PIN1: variants seen among roughly 807,000 people sequenced by gnomAD.
The protein encoded by PIN1 is peptidylprolyl cis/trans isomerase, NIMA-interacting 1, also known as peptidyl-prolyl cis-trans isomerase NIMA-interacting 1.
A neutral mutation model predicts 19.9 loss-of-function variants in PIN1; 8 were observed. The ratio of observed to expected loss-of-function variants is 0.40; its 90% CI spans 0.24 to 0.72. PIN1 has a LOEUF of 0.72. PIN1 is among the 30% of genes least tolerant of loss of function. The probability of loss-of-function intolerance (pLI) is 0.37; values close to 1 mark genes in which losing one functional copy is unlikely to be tolerated. For missense variants in PIN1, 185 were observed against 226.5 expected (o/e 0.82, Z 1.18); for synonymous variants, 86 against 90.8 (o/e 0.95, Z 0.30).
chr19:9,846,304 G>C lies in PIN1; in HGVS notation c.272-1726G>C, dbSNP rs1457994369. ...GGCCAAGGATAGGGAGAGCAGAGCA[G>C]TAGAGGCTGCGTCATCCCTGGGATG... is the stretch of plus-strand genomic sequence containing the variant. On this transcript the variant is annotated intron_variant, in intron 2 of 3. Transcript: ENST00000247970. This position sits in a 1 kb window ranked among gnomAD's most constrained non-coding sequence, Gnocchi z 5.9. 6.6e-6 allele frequency among the ~76,000 whole-genome samples: 1 copy of C among 152,242 alleles called. No homozygotes were observed. The highest frequency in any genetic ancestry group is 1.5e-5 in the Non-Finnish European group (1 of 68,036).
intron 1 of PIN1, 39 bp downstream of exon 1, chr19:9,835,441 C>G (rs1252540026): frequency 1.4e-6 from 2 of 1,384,152 alleles, no homozygotes; most frequent in African/African-American, 3.0e-5. Context: ...ACTGCGCGGG[C>G]CCGCGTAAGC....
intron 1 of PIN1, chr19:9,837,327 T>A (rs2046118423): frequency 6.2e-6 from 1 of 162,564 alleles, no homozygotes; most frequent in Non-Finnish European, 1.3e-5. Flanking sequence ...CTAATTTTTG[T>A]ATTTTTAGTA....
intron 2 of PIN1, among the ~76,000 whole-genome samples, chr19:9,839,415 C>CAA (rs549874572): frequency 5.9e-5 from 5 of 84,304 alleles, no homozygotes; most frequent in Non-Finnish European, 4.9e-5. Context: ...GGCACCATCT[C>CAA]AAAAAAAAAA....
chr19:9,835,325 G>T lies in PIN1; in HGVS notation c.-20G>T. On this transcript the variant is annotated 5_prime_UTR_variant, in exon 1 of 4. Transcript: ENST00000247970. ...AGGCGGCGCAGCTGAGGCGGAGCAGGCGCTGCGGCAGGAGGGAAGATGGCG... is the reference window on the plus strand; with the variant it reads ...AGGCGGCGCAGCTGAGGCGGAGCAGTCGCTGCGGCAGGAGGGAAGATGGCG... The T allele has an allele frequency of 6.6e-7, 1 of 1,523,898 alleles. No individual in the cohort carries two copies. The highest frequency in any genetic ancestry group is 8.8e-7 in the Non-Finnish European group (1 of 1,141,442). The allele number at this position is 1,523,898 out of a possible 1,614,324, so 94.4% of individuals were successfully genotyped here.
chr19:9,838,712 C>A lies in PIN1; in HGVS notation c.271+64C>A. 7.6e-7 allele frequency: 1 copy of A among 1,319,078 alleles called. No individual in the cohort carries two copies. The highest frequency in any genetic ancestry group is 1.3e-5 in the South Asian group (1 of 76,958). The allele number at this position is 1,319,078 out of a possible 1,614,324, so 81.7% of individuals were successfully genotyped here. On this transcript the variant is annotated intron_variant, in intron 2 of 3. Coordinates refer to ENST00000247970, the MANE Select transcript of PIN1 (RefSeq NM_006221.4). The surrounding 1 kb of genome is among the most constrained non-coding windows in gnomAD (Gnocchi z 5.8). Reference sequence around the variant, plus strand: ...CTCCCAGGTGAGCCTTTGTAGAAGTCACATCAGACCCTTCACCCCAGCTTG... The same window carrying A: ...CTCCCAGGTGAGCCTTTGTAGAAGTAACATCAGACCCTTCACCCCAGCTTG...
chr19:9,848,178 T>TTA (rs1438864127), intron 3 of PIN1, 38 bp downstream of exon 3: 1 of 1,265,462 alleles, frequency 7.9e-7, no homozygotes, highest in African/African-American at 1.5e-5. Context: ...TGGGGGACCC[T>TTA]TACCACCCTG....
intron 2 of PIN1, among the ~76,000 whole-genome samples, chr19:9,839,802 A>T (rs2046146340): frequency 6.6e-6 from 1 of 152,088 alleles, no homozygotes; most frequent in Non-Finnish European, 1.5e-5. Flanking sequence ...GGAGTTTGAG[A>T]CCAGCTTGGG....
intron 2 of PIN1, among the ~76,000 whole-genome samples, chr19:9,840,405 A>G (rs1182026401): frequency 6.6e-6 from 1 of 151,892 alleles, no homozygotes; most frequent in Non-Finnish European, 1.5e-5. Context: ...AAAAACAAAA[A>G]CAAAAAAAAA....
intron 3 of PIN1, 114 bp from the exon 4 acceptor site, chr19:9,848,976 T>C (rs1337076254): frequency 8.7e-6 from 6 of 692,388 alleles, no homozygotes; most frequent in Admixed American, 2.2e-5. Context: ...TGTGGACGAG[T>C]GTGAGGCTCA....
In PIN1 at chr19:9,838,794, C is replaced by T; in HGVS notation, c.271+146C>T. The T allele has an allele frequency of 1.6e-6, 1 of 636,780 alleles. No homozygotes were observed. The highest frequency in any genetic ancestry group is 2.7e-6 in the Non-Finnish European group (1 of 366,834). 39.4% of individuals were successfully genotyped at this position (636,780 alleles called of 1,614,324 possible). ...AAAAACGCCAGTGCATGACCTGACCCTGACCTTCACAGCAGCCATTCTCTT... is the reference window on the plus strand; with the variant it reads ...AAAAACGCCAGTGCATGACCTGACCTTGACCTTCACAGCAGCCATTCTCTT... On this transcript the variant is annotated intron_variant, in intron 2 of 3. Transcript: ENST00000247970. This position sits in a 1 kb window ranked among gnomAD's most constrained non-coding sequence, Gnocchi z 5.8.
chr19:9,836,398 G>A (rs1398151297), intron 1 of PIN1: 4 of 173,632 alleles, frequency 2.3e-5, no homozygotes, highest in African/African-American at 7.1e-5. Context: ...CATTGCCAAG[G>A]TTTTAGAGTG....
At position 9,846,519 on chromosome 19, in the gene PIN1, G is replaced by A. The variant is rs1208929494; in HGVS notation, c.272-1511G>A. ...CCAGGACACTGGTGGCTGCCATGAC[G>A]TGCAGCCAAACAGGGAGCTATGGCT... On this transcript the variant is annotated intron_variant, in intron 2 of 3. Transcript: ENST00000247970. This position sits in a 1 kb window ranked among gnomAD's most constrained non-coding sequence, Gnocchi z 5.9. Among the ~76,000 whole-genome samples the A allele has an allele frequency of 2.0e-5, 3 of 152,132 alleles. No homozygotes were observed. Among genetic ancestry groups the A allele is most frequent in the East Asian group, 1.9e-4 (1 of 5,184 alleles).
chr19:9,839,518 A>C (rs1201232761), intron 2 of PIN1, among the ~76,000 whole-genome samples: 1 of 152,130 alleles, frequency 6.6e-6, no homozygotes, highest in Non-Finnish European at 1.5e-5. Flanking sequence ...TTTCCTCTGC[A>C]GTCTGGCACC....
intron 2 of PIN1, among the ~76,000 whole-genome samples, chr19:9,844,976 G>A (rs1599453433): frequency 3.3e-5 from 5 of 152,280 alleles, no homozygotes; most frequent in South Asian, 4.1e-4. Flanking sequence ...ACTGTGAGGC[G>A]GGCAAGCAAC....
chr19:9,842,406 A>G (rs963278570), intron 2 of PIN1, among the ~76,000 whole-genome samples: 22 of 152,170 alleles, frequency 1.4e-4, no homozygotes, highest in Non-Finnish European at 7.4e-5. Context: ...GAGGGTGGCT[A>G]TGAGGATCCA....
At chr19:9,842,857 G>A (rs2046182092) in intron 2 of PIN1, among the ~76,000 whole-genome samples, 3 of 152,234 alleles carry the variant, frequency 2.0e-5, no homozygotes, top group African/African-American at 7.2e-5. Context: ...GATTTGGGCA[G>A]CTCACTCCCC....
Position 9,838,742 on chromosome 19 carries a change from G to A in PIN1, c.271+94G>A. The A allele has an allele frequency of 9.7e-7, 1 of 1,033,058 alleles. No homozygotes were observed. The highest frequency in any genetic ancestry group is 1.4e-6 in the Non-Finnish European group (1 of 708,064). 64.0% of individuals were successfully genotyped at this position (1,033,058 alleles called of 1,614,324 possible). On this transcript the variant is annotated intron_variant, in intron 2 of 3. Transcript: ENST00000247970. The surrounding 1 kb of genome is among the most constrained non-coding windows in gnomAD (Gnocchi z 5.8). Reference sequence around the variant, plus strand: ...CAGACCCTTCACCCCAGCTTGCTCAGCTGCCAGGCGTGGTGTTGGCCAACA... The same window carrying A: ...CAGACCCTTCACCCCAGCTTGCTCAACTGCCAGGCGTGGTGTTGGCCAACA...
chr19:9,846,028 G>A lies in PIN1; in HGVS notation c.272-2002G>A, dbSNP rs989462933. On this transcript the variant is annotated intron_variant, in intron 2 of 3. Transcript: ENST00000247970. This position sits in a 1 kb window ranked among gnomAD's most constrained non-coding sequence, Gnocchi z 5.9. The stretch of plus-strand genomic sequence containing the variant: ...GGGGACTCCAGTGCTCTGTGCCTAA[G>A]GCCAAGGAGATACCTAGAAGTTCAG... Among the ~76,000 whole-genome samples the A allele has an allele frequency of 6.6e-5, 10 of 152,174 alleles. No individual in the cohort carries two copies. Among genetic ancestry groups the A allele is most frequent in the African/African-American group, 2.4e-4 (10 of 41,436 alleles).
chr19:9,837,130 A>AATTTTTT (rs1437117703), intron 1 of PIN1: 2 of 250,046 alleles, frequency 8.0e-6, no homozygotes, highest in Admixed American at 4.8e-5. Flanking sequence ...ACCCATGGCT[A>AATTTTTT]ATTTTTTATT....
Sources: allele counts gnomAD v4.1 joint callset (sites outside exome capture counted in the v4.1 genomes callset), GRCh38; gene constraint gnomAD v4.1.1; non-coding constraint Gnocchi (gnomAD v3.1); transcripts MANE v1.5; gene names NCBI Gene and HGNC (gene_info 2026-07-23, HGNC 2026-07-21).